Variants in RNF180 observed in about 807,000 individuals in gnomAD.
The protein encoded by RNF180 is E3 ubiquitin-protein ligase RNF180.
In RNF180, 38 loss-of-function variants were observed where a neutral mutation model predicts 59.2. That is an observed-to-expected ratio of 0.64 (90% CI 0.50 to 0.84). The LOEUF is 0.84. RNF180 is among the 40% of genes least tolerant of loss of function. RNF180 has a pLI of 0.00. For missense variants in RNF180, 705 were observed against 700.9 expected (o/e 1.01, Z -0.07); for synonymous variants, 262 against 240.3 (o/e 1.09, Z -0.84).
At chr5:64,312,727 A>G (rs1743834004) in intron 5 of RNF180, among the ~76,000 whole-genome samples, 1 of 152,122 alleles carries the variant, frequency 6.6e-6, no homozygotes. Context: ...GGTGGTACCA[A>G]AATCACAATA....
chr5:64,344,916 TGAA>T (rs1745494889), intron 7 of RNF180, among the ~76,000 whole-genome samples: 1 of 151,938 alleles, frequency 6.6e-6, no homozygotes, highest in South Asian at 2.1e-4. Context: ...GATCCCAAGA[TGAA>T]GAGTAGAGAA....
Position 64,201,324 on chromosome 5 carries a change from T to C in RNF180, c.135+382T>C, listed in dbSNP as rs138388925. Among the ~76,000 whole-genome samples, 26 of 152,056 alleles carry C rather than the reference T, an allele frequency of 1.7e-4. No individual in the cohort carries two copies. The East Asian group carries it at 3.7e-3, about 22-fold the overall frequency. On this transcript the variant is annotated intron_variant, in intron 2 of 7. Transcript: ENST00000389100. ...AAGAATTGGAAACTTGTTATATAGGTTTTTTTTGTATTCACTATGGGCCTA... is the reference window on the plus strand; with the variant it reads ...AAGAATTGGAAACTTGTTATATAGGCTTTTTTTGTATTCACTATGGGCCTA...
At chr5:64,167,775 C>G (rs1749729103) in intron 1 of RNF180, among the ~76,000 whole-genome samples, 1 of 152,034 alleles carries the variant, frequency 6.6e-6, no homozygotes, top group South Asian at 2.1e-4. Flanking sequence ...GGACAGTGTG[C>G]TTAGACTTAA....
chr5:64,341,687 AAGAGT>A (rs1298889921), intron 7 of RNF180, among the ~76,000 whole-genome samples: 1 of 152,122 alleles, frequency 6.6e-6, no homozygotes. Context: ...TACAATCATG[AAGAGT>A]AGAGTACTCT....
At chr5:64,234,578 CTTTTTTTT>C (rs1171637074) in intron 5 of RNF180, among the ~76,000 whole-genome samples, 3 of 48,514 alleles carry the variant, frequency 6.2e-5, no homozygotes, top group South Asian at 9.7e-4. Context: ...GTTACCCGTT[CTTTTTTTT>C]TTTTTTTTTT....
chr5:64,242,417 C>T (rs1052588705), intron 5 of RNF180, among the ~76,000 whole-genome samples: 1 of 152,072 alleles, frequency 6.6e-6, no homozygotes. Context: ...GTATGAAGTG[C>T]CTGACAACTC....
intron 5 of RNF180, among the ~76,000 whole-genome samples, chr5:64,288,705 G>T (rs1309053710): frequency 6.6e-6 from 1 of 152,034 alleles, no homozygotes; most frequent in Non-Finnish European, 1.5e-5. Context: ...ACCTGTTGTT[G>T]GTTTATAGGA....
intron 5 of RNF180, among the ~76,000 whole-genome samples, chr5:64,292,787 T>C (rs1742671274): frequency 6.6e-6 from 1 of 152,044 alleles, no homozygotes; most frequent in Admixed American, 6.5e-5. Flanking sequence ...CTTCATTCCA[T>C]AGGGAGATCA....
intron 6 of RNF180, among the ~76,000 whole-genome samples, chr5:64,328,104 G>T (rs938532738): frequency 6.6e-6 from 1 of 152,090 alleles, no homozygotes; most frequent in East Asian, 1.9e-4. Flanking sequence ...GTTCACCTTC[G>T]TTTGTATTAT....
intron 7 of RNF180, among the ~76,000 whole-genome samples, chr5:64,352,565 TGCTTTAAA>T (rs1205395498): frequency 7.9e-5 from 12 of 152,124 alleles, no homozygotes; most frequent in African/African-American, 2.9e-4. Context: ...CTCTACACAC[TGCTTTAAA>T]TGTGTCCCAG....
intron 5 of RNF180, among the ~76,000 whole-genome samples, chr5:64,307,416 A>T (rs1046437701): frequency 2.0e-5 from 3 of 151,640 alleles, no homozygotes; most frequent in African/African-American, 4.8e-5. Context: ...AAGATTAATT[A>T]AAAGACATGG....
intron 5 of RNF180, among the ~76,000 whole-genome samples, chr5:64,230,790 G>A (rs892478142): frequency 6.6e-6 from 1 of 152,156 alleles, no homozygotes; most frequent in African/African-American, 2.4e-5. Context: ...CTATTTACAG[G>A]TCTTGACAGC....
intron 5 of RNF180, among the ~76,000 whole-genome samples, chr5:64,299,539 T>C (rs994943790): frequency 8.5e-5 from 13 of 152,136 alleles, no homozygotes; most frequent in South Asian, 4.1e-4. Flanking sequence ...GTTATAGTAT[T>C]TTAAAAATTG....
At chr5:64,239,120 T>G (rs1301314555) in intron 5 of RNF180, among the ~76,000 whole-genome samples, 4 of 152,146 alleles carry the variant, frequency 2.6e-5, no homozygotes, top group African/African-American at 9.7e-5. Flanking sequence ...AGTATTTGAG[T>G]ATTATTTTGA....
intron 7 of RNF180, among the ~76,000 whole-genome samples, chr5:64,349,453 T>A (rs991957855): frequency 6.6e-6 from 1 of 152,044 alleles, no homozygotes; most frequent in Non-Finnish European, 1.5e-5. Context: ...TATTATACTT[T>A]AAGTTCTAGG....
chr5:64,283,484 C>T (rs1229107532), intron 5 of RNF180, among the ~76,000 whole-genome samples: 1 of 151,962 alleles, frequency 6.6e-6, no homozygotes, highest in Non-Finnish European at 1.5e-5. Flanking sequence ...TATGGTTTGG[C>T]TCTGTGTCCC....
intron 1 of RNF180, among the ~76,000 whole-genome samples, chr5:64,173,524 C>G (rs765626937): frequency 6.6e-6 from 1 of 151,996 alleles, no homozygotes; most frequent in African/African-American, 2.4e-5. Flanking sequence ...AATATAGTGT[C>G]GTTAACTATA....
chr5:64,241,816 C>A (rs957364108), intron 5 of RNF180, among the ~76,000 whole-genome samples: 1 of 152,054 alleles, frequency 6.6e-6, no homozygotes, highest in African/African-American at 2.4e-5. Flanking sequence ...CTAGGCAGCA[C>A]AACACAGAGA....
rs1353978180 is a variant in RNF180 at position 64,366,954 on chromosome 5, A to AGAT, written c.1580-2660_1580-2658dup. ...ATATGGCCAAACTATCAAGAGTCAA[A>AGAT]GATAGAATTTTTAGAACAGGAAAAG... On this transcript the variant is annotated intron_variant, in intron 7 of 7. Coordinates refer to ENST00000389100, the MANE Select transcript of RNF180 (RefSeq NM_001113561.2). Among the ~76,000 whole-genome samples, 4 of 151,710 alleles carry AGAT rather than the reference A, an allele frequency of 2.6e-5. No individual in the cohort carries two copies. The South Asian group carries it at 6.2e-4, about 24-fold the overall frequency.
Sources: gnomAD v4.1 joint callset for allele counts (sites outside exome capture counted in the v4.1 genomes callset) on GRCh38, gnomAD v4.1.1 for gene constraint, MANE v1.5 for transcripts, NCBI Gene and HGNC (gene_info 2026-07-23, HGNC 2026-07-21) for gene names.